TMTC2: variants seen among roughly 807,000 people sequenced by gnomAD.
TMTC2 encodes the protein protein O-mannosyl-transferase TMTC2.
In TMTC2, 43 loss-of-function variants were observed where a neutral mutation model predicts 82.4. That is an observed-to-expected ratio of 0.52 (90% CI 0.41 to 0.67). The LOEUF is 0.67. Ranked by LOEUF, TMTC2 falls within the 30% of genes least tolerant of loss-of-function variation. The probability of loss-of-function intolerance (pLI) is 0.00; values close to 1 mark genes in which losing one functional copy is unlikely to be tolerated. For synonymous variants in TMTC2, 408 were observed against 381.9 expected (o/e 1.07, Z -0.80); for missense variants, 919 against 1,012.4 (o/e 0.91, Z 1.25).
intron 11 of TMTC2, among the ~76,000 whole-genome samples, chr12:83,109,094 T>C (rs1439793864): frequency 6.6e-6 from 1 of 152,150 alleles, no homozygotes; most frequent in African/African-American, 2.4e-5. Context: ...ACCAGTGTAT[T>C]AGTTCCTTGT....
In TMTC2 at chr12:82,890,179, A is replaced by T. The variant is rs141353784; in HGVS notation, c.655-5639A>T. On this transcript the variant is annotated intron_variant, in intron 2 of 11. Transcript: ENST00000321196. ...ATCTTAATTGGTATTAACTCATGAGATTGAGTATCTTTTCAGATCTTTATG... is the reference window on the plus strand; with the variant it reads ...ATCTTAATTGGTATTAACTCATGAGTTTGAGTATCTTTTCAGATCTTTATG... Among the ~76,000 whole-genome samples the T allele has an allele frequency of 6.5e-3, 986 of 152,124 alleles. 13 individuals are homozygous for T. Among genetic ancestry groups the T allele is most frequent in the African/African-American group, 0.022 (908 of 41,496 alleles).
At chr12:82,928,984 A>C (rs549272407) in intron 3 of TMTC2, among the ~76,000 whole-genome samples, 1 of 152,324 alleles carries the variant, frequency 6.6e-6, no homozygotes, top group African/African-American at 2.4e-5. Flanking sequence ...TGTAAATTGT[A>C]AAGAGTATCA....
intron 8 of TMTC2, among the ~76,000 whole-genome samples, chr12:82,992,116 T>C (rs560610111): frequency 6.6e-6 from 1 of 152,328 alleles, no homozygotes; most frequent in South Asian, 2.1e-4. Context: ...TTAATTAGGC[T>C]ACATAAAACT....
intron 11 of TMTC2, among the ~76,000 whole-genome samples, chr12:83,076,428 A>T (rs371909572): frequency 6.6e-5 from 10 of 152,120 alleles, no homozygotes; most frequent in African/African-American, 2.4e-4. Flanking sequence ...TATCTTTTGC[A>T]TGGAGTTATA....
chr12:82,906,786 G>A (rs1337530680), intron 3 of TMTC2, among the ~76,000 whole-genome samples: 2 of 152,196 alleles, frequency 1.3e-5, no homozygotes, highest in Admixed American at 6.5e-5. Context: ...TGACTGGCCT[G>A]AGTTGTGCTG....
At chr12:82,798,651 A>G (rs114702677) in intron 1 of TMTC2, among the ~76,000 whole-genome samples, 22,273 of 150,690 alleles carry the variant, frequency 0.15, 1,882 homozygotes, top group East Asian at 0.31. Context: ...TACTAAATAT[A>G]GAAAAATTAG....
chr12:83,065,059 T>G (rs1291677664), intron 11 of TMTC2, among the ~76,000 whole-genome samples: 1 of 151,906 alleles, frequency 6.6e-6, no homozygotes, highest in African/African-American at 2.4e-5. Flanking sequence ...GGTAAAAATC[T>G]GTAGCTGTAT....
chr12:82,980,320 A>G (rs992874777), intron 7 of TMTC2, among the ~76,000 whole-genome samples: 2 of 151,878 alleles, frequency 1.3e-5, no homozygotes, highest in Non-Finnish European at 2.9e-5. Context: ...AATGACCAGC[A>G]CATAAAATAA....
In TMTC2 at chr12:82,861,479, T is replaced by G. The variant is rs374442425; in HGVS notation, c.654+3899T>G. On this transcript the variant is annotated intron_variant, in intron 2 of 11. Transcript: ENST00000321196. ...TGTTACAAGACTCATGCAAATGATG[T>G]GCATGTCATCAGACTTTTGCAGTTT... Among the ~76,000 whole-genome samples, 58 of 152,362 alleles carry G rather than the reference T, an allele frequency of 3.8e-4. 1 individual carries two copies. Among genetic ancestry groups the G allele is most frequent in the East Asian group, 3.7e-3 (19 of 5,188 alleles).
intron 2 of TMTC2, among the ~76,000 whole-genome samples, chr12:82,876,054 G>A (rs866593313): frequency 1.0e-4 from 14 of 136,058 alleles, no homozygotes; most frequent in African/African-American, 2.9e-4. Context: ...GGTGGTGGTG[G>A]TGGTGGTGGT....
intron 1 of TMTC2, among the ~76,000 whole-genome samples, chr12:82,811,535 C>G (rs1868390522): frequency 6.6e-6 from 1 of 151,820 alleles, no homozygotes; most frequent in South Asian, 2.1e-4. Context: ...AAAATCAGTA[C>G]AAATGTATGT....
At chr12:82,879,780 G>A (rs1361105727) in intron 2 of TMTC2, among the ~76,000 whole-genome samples, 3 of 152,176 alleles carry the variant, frequency 2.0e-5, no homozygotes, top group Non-Finnish European at 4.4e-5. Flanking sequence ...GGCTACTTGA[G>A]ATAATACATG....
At chr12:82,734,594 G>C (rs527935188) in intron 1 of TMTC2, among the ~76,000 whole-genome samples, 126 of 152,232 alleles carry the variant, frequency 8.3e-4, no homozygotes, top group Middle Eastern at 3.4e-3. Context: ...ATAATCATAG[G>C]AGTAATACCA....
intron 11 of TMTC2, among the ~76,000 whole-genome samples, chr12:83,069,143 A>C (rs1249916056): frequency 6.6e-6 from 1 of 152,104 alleles, no homozygotes; most frequent in Non-Finnish European, 1.5e-5. Flanking sequence ...AAATTTTGCT[A>C]TTGTGAATTG....
intron 2 of TMTC2, among the ~76,000 whole-genome samples, chr12:82,871,681 CTGTGTGTGTG>C (rs10662218): frequency 0.01 from 1,460 of 142,196 alleles, 26 homozygotes; most frequent in African/African-American, 0.035. Flanking sequence ...CTCTGCTCAT[CTGTGTGTGTG>C]TGTGTGTGTG....
chr12:83,071,148 T>C, intron 11 of TMTC2, among the ~76,000 whole-genome samples: 1 of 138,180 alleles, frequency 7.2e-6, no homozygotes, highest in African/African-American at 2.8e-5. Flanking sequence ...GGTCTGTAGT[T>C]GTTTTTTTTT....
At chr12:83,049,578 G>A (rs1040405388) in intron 9 of TMTC2, among the ~76,000 whole-genome samples, 21 of 152,252 alleles carry the variant, frequency 1.4e-4, no homozygotes, top group African/African-American at 5.1e-4. Context: ...GAGCATTTAG[G>A]TTAATTCCAC....
intron 1 of TMTC2, among the ~76,000 whole-genome samples, chr12:82,779,414 A>G (rs1592515176): frequency 6.6e-6 from 1 of 152,236 alleles, no homozygotes; most frequent in East Asian, 1.9e-4. Flanking sequence ...ACTCACATTT[A>G]TTATAACTAG....
intron 4 of TMTC2, among the ~76,000 whole-genome samples, chr12:82,943,928 A>G (rs1876854356): frequency 1.3e-5 from 2 of 152,242 alleles, no homozygotes; most frequent in Non-Finnish European, 2.9e-5. Context: ...TCTGAGTGAT[A>G]TGCTTATATT....
Sources: allele counts gnomAD v4.1 joint callset (sites outside exome capture counted in the v4.1 genomes callset), GRCh38; gene constraint gnomAD v4.1.1; transcripts MANE v1.5; gene names NCBI Gene and HGNC (gene_info 2026-07-23, HGNC 2026-07-21).